SPON1: variants seen among roughly 807,000 people sequenced by gnomAD.
SPON1 encodes spondin-1.
A neutral mutation model predicts 111.7 loss-of-function variants in SPON1; 52 were observed. That is an observed-to-expected ratio of 0.47 (90% CI 0.37 to 0.59). SPON1 has a LOEUF of 0.59. Ranked by LOEUF, SPON1 falls within the 20% of genes least tolerant of loss-of-function variation. The pLI, the probability that SPON1 is intolerant of heterozygous loss-of-function variation, is 0.00. For synonymous variants in SPON1, 410 were observed against 395.8 expected, an observed-to-expected ratio of 1.04 and a Z score of -0.43; for missense variants, 957 against 1,068.5, an observed-to-expected ratio of 0.90 and a Z score of 1.46.
chr11:14,259,176 G>A lies in SPON1; in HGVS notation c.1493-104G>A. On this transcript the variant is annotated intron_variant, in intron 11 of 15. Coordinates refer to ENST00000576479, the MANE Select transcript of SPON1 (RefSeq NM_006108.4). This position sits in a 1 kb window ranked among gnomAD's most constrained non-coding sequence, Gnocchi z 5.0. ...CTTAGGTGTGCAGACAACCTCAACTGCCTGACTCCTCTTGATTCCCGCTGG... is the reference window on the plus strand; with the variant it reads ...CTTAGGTGTGCAGACAACCTCAACTACCTGACTCCTCTTGATTCCCGCTGG... The A allele has an allele frequency of 1.5e-6, 2 of 1,315,096 alleles. No individual in the cohort carries two copies. The allele number at this position is 1,315,096 out of a possible 1,614,324, so 81.5% of individuals were successfully genotyped here.
intron 5 of SPON1, among the ~76,000 whole-genome samples, chr11:14,121,890 G>GT (rs202053982): frequency 0.16 from 23,445 of 147,404 alleles, 1,941 homozygotes; most frequent in Admixed American, 0.23. Flanking sequence ...TAGGCTGACA[G>GT]TTTTTTTTTT....
intron 2 of SPON1, among the ~76,000 whole-genome samples, chr11:14,022,507 C>T (rs1044199783): frequency 2.6e-5 from 4 of 152,082 alleles, no homozygotes; most frequent in Non-Finnish European, 4.4e-5. Flanking sequence ...TAAATATGAC[C>T]GGGTGGAATA....
intron 2 of SPON1, among the ~76,000 whole-genome samples, chr11:14,000,020 T>A (rs1848304718): frequency 6.6e-6 from 1 of 152,166 alleles, no homozygotes; most frequent in African/African-American, 2.4e-5. Flanking sequence ...TGGAATAAAG[T>A]TCAATACCTT....
At chr11:13,974,266 G>A (rs1347975443) in intron 1 of SPON1, among the ~76,000 whole-genome samples, 5 of 152,200 alleles carry the variant, frequency 3.3e-5, no homozygotes, top group African/African-American at 1.2e-4. Context: ...CGCGCATTGT[G>A]GTTGAGGTGT....
intron 3 of SPON1, among the ~76,000 whole-genome samples, chr11:14,052,550 G>A (rs1306499892): frequency 2.6e-5 from 4 of 152,224 alleles, no homozygotes; most frequent in African/African-American, 9.6e-5. Flanking sequence ...ACAGAAAAGG[G>A]ACTAGGAAAC....
chr11:14,004,555 G>A (rs1293344831), intron 2 of SPON1, among the ~76,000 whole-genome samples: 3 of 152,050 alleles, frequency 2.0e-5, no homozygotes, highest in Non-Finnish European at 4.4e-5. Flanking sequence ...ATCTTATAGT[G>A]GTTTTAATTT....
At chr11:14,095,525 C>G (rs1264195060) in intron 5 of SPON1, among the ~76,000 whole-genome samples, 1 of 152,022 alleles carries the variant, frequency 6.6e-6, no homozygotes, top group Admixed American at 6.5e-5. Context: ...ATCTGCAAAC[C>G]GGAGACCCAG....
In SPON1 at chr11:14,192,648, A is replaced by G. The variant is rs115586540; in HGVS notation, c.826-50684A>G. Among the ~76,000 whole-genome samples, 739 of 152,174 alleles carry G rather than the reference A, an allele frequency of 4.9e-3. 7 individuals carry two copies. The highest frequency in any genetic ancestry group is 0.017 in the African/African-American group (717 of 41,518). ...CACGGTACACCCTCCTCCAAGCCAC[A>G]CATACCCCTGACTGAAATCAGGCAA... is the stretch of plus-strand genomic sequence containing the variant. On this transcript the variant is annotated intron_variant, in intron 6 of 15. Transcript: ENST00000576479.
At chr11:14,258,866 C>T (rs551191747) in intron 11 of SPON1, among the ~76,000 whole-genome samples, 1 of 152,284 alleles carries the variant, frequency 6.6e-6, no homozygotes, top group South Asian at 2.1e-4. Context: ...TTTCTTGGGG[C>T]TGGGACTGGG....
rs782611708 is a variant in SPON1 at position 14,254,593 on chromosome 11, T to C, written c.956T>C (p.Met319Thr). The C allele has an allele frequency of 1.9e-6, 3 of 1,613,796 alleles. No individual in the cohort carries two copies. Among genetic ancestry groups the C allele is most frequent in the Admixed American group, 1.7e-5 (1 of 59,992 alleles). The change falls in exon 8 of 16, where the codon ATG becomes ACG. Residue 319 changes from methionine to threonine, a missense_variant. Coordinates refer to ENST00000576479, the MANE Select transcript of SPON1 (RefSeq NM_006108.4). The stretch of plus-strand genomic sequence containing the variant: ...CGCCATTTAATGTCCTTCCTGACCA[T>C]GATGGGCCCTAGTCCCGACTGGAAC... Reference protein sequence around the residue: ...RTRHLMSFLTMMGPSPDWNVG... With the variant: ...RTRHLMSFLTTMGPSPDWNVG...
At chr11:14,095,541 C>A (rs1343532028) in intron 5 of SPON1, among the ~76,000 whole-genome samples, 2 of 151,962 alleles carry the variant, frequency 1.3e-5, no homozygotes, top group Non-Finnish European at 2.9e-5. Context: ...CCCAGGAGAC[C>A]CAGTGGTGTA....
At chr11:14,073,336 C>G (rs186086829) in intron 3 of SPON1, among the ~76,000 whole-genome samples, 10 of 152,294 alleles carry the variant, frequency 6.6e-5, no homozygotes, top group Admixed American at 6.5e-4. Context: ...TGACCTGATA[C>G]ATGAGGTCAG....
At chr11:14,007,632 T>C (rs1010330398) in intron 2 of SPON1, among the ~76,000 whole-genome samples, 4 of 152,178 alleles carry the variant, frequency 2.6e-5, no homozygotes, top group African/African-American at 9.6e-5. Context: ...CCAGGGTCAA[T>C]ACTTTGCATC....
At chr11:14,055,826 G>C (rs561477093) in intron 3 of SPON1, among the ~76,000 whole-genome samples, 65 of 152,346 alleles carry the variant, frequency 4.3e-4, no homozygotes, top group Non-Finnish European at 2.1e-4. Context: ...ACTGGACTAA[G>C]GGTTGGCTGC....
At position 14,067,490 on chromosome 11, in the gene SPON1, CCTTTCTTCATGGT is replaced by C. The variant is rs1469287487; in HGVS notation, c.480-7854_480-7842del. 7.2e-5 allele frequency among the ~76,000 whole-genome samples: 11 copies of C among 152,182 alleles called. No homozygotes were observed. In the South Asian group the frequency reaches 1.4e-3, roughly 20 times the overall value. ...CCAGTGTCTTTGTGATTCTTCTTGGCCTTTCTTCATGGTAGCAAAATGGCTTGCCTTGTTCCAC... is the reference window on the plus strand; with the variant it reads ...CCAGTGTCTTTGTGATTCTTCTTGGCAGCAAAATGGCTTGCCTTGTTCCAC... On this transcript the variant is annotated intron_variant, in intron 3 of 15. Transcript: ENST00000576479.
chr11:14,196,009 T>C (rs1321948655), intron 6 of SPON1, among the ~76,000 whole-genome samples: 1 of 152,206 alleles, frequency 6.6e-6, no homozygotes, highest in African/African-American at 2.4e-5. Flanking sequence ...AAATTCCTGT[T>C]TCCCCAGCTA....
Position 14,071,617 on chromosome 11 carries a change from GA to G in SPON1, c.480-3727del, listed in dbSNP as rs148093545. Among the ~76,000 whole-genome samples, 1,186 of 152,274 alleles carry G rather than the reference GA, an allele frequency of 7.8e-3. 7 individuals carry two copies. The highest frequency in any genetic ancestry group is 0.027 in the African/African-American group (1,107 of 41,542). ...GGTAGTAGAATGATACTAACATTTGGAGGAATAAGGTACGAATCTTGGAATC... is the reference window on the plus strand; with the variant it reads ...GGTAGTAGAATGATACTAACATTTGGGGAATAAGGTACGAATCTTGGAATC... On this transcript the variant is annotated intron_variant, in intron 3 of 15. Transcript: ENST00000576479.
chr11:14,184,778 C>T (rs1378710028), intron 6 of SPON1, among the ~76,000 whole-genome samples: 2 of 152,186 alleles, frequency 1.3e-5, no homozygotes, highest in East Asian at 1.9e-4. Flanking sequence ...TTCCTGAGAG[C>T]CAGCCAGGCA....
intron 2 of SPON1, among the ~76,000 whole-genome samples, chr11:14,015,143 T>G (rs553395889): frequency 6.6e-6 from 1 of 152,356 alleles, no homozygotes; most frequent in East Asian, 1.9e-4. Context: ...CAGAATAACC[T>G]GTATGACCAG....
Sources: allele counts gnomAD v4.1 joint callset (sites outside exome capture counted in the v4.1 genomes callset), GRCh38; gene constraint gnomAD v4.1.1; non-coding constraint Gnocchi (gnomAD v3.1); transcripts MANE v1.5; gene names NCBI Gene and HGNC (gene_info 2026-07-23, HGNC 2026-07-21).